FAM193A: variants seen among roughly 807,000 people sequenced by gnomAD.
FAM193A encodes family with sequence similarity 193 member A.
A neutral mutation model predicts 126.5 loss-of-function variants in FAM193A; 22 were observed. The ratio of observed to expected loss-of-function variants is 0.17; its 90% CI spans 0.12 to 0.25. FAM193A has a LOEUF of 0.25. FAM193A is among the 10% of genes least tolerant of loss of function. FAM193A has a pLI of 1.00. For synonymous variants in FAM193A, 761 were observed against 646.8 expected (o/e 1.18, Z -2.68); for missense variants, 1,675 against 1,672.8 (o/e 1.00, Z -0.02).
intron 1 of FAM193A, among the ~76,000 whole-genome samples, chr4:2,560,638 G>A (rs1485099422): frequency 1.3e-5 from 2 of 152,150 alleles, no homozygotes; most frequent in Non-Finnish European, 2.9e-5. Context: ...GGTTTTTAAT[G>A]AGTCTGTTAA....
chr4:2,558,999 CAAACAA>C (rs1183263464), intron 1 of FAM193A, among the ~76,000 whole-genome samples: 5 of 152,156 alleles, frequency 3.3e-5, no homozygotes, highest in African/African-American at 4.8e-5. Flanking sequence ...GACTCCATCT[CAAACAA>C]AAACAGAAAC....
chr4:2,676,247 C>A (rs1315476755), intron 13 of FAM193A, among the ~76,000 whole-genome samples: 1 of 152,200 alleles, frequency 6.6e-6, no homozygotes, highest in East Asian at 1.9e-4. Flanking sequence ...CAACAGTGCA[C>A]AAGGGTTTCA....
chr4:2,693,355 TGAG>T (rs1169146076), intron 15 of FAM193A, among the ~76,000 whole-genome samples: 1 of 152,196 alleles, frequency 6.6e-6, no homozygotes, highest in African/African-American at 2.4e-5. Context: ...GTCGATGTTC[TGAG>T]GAGTTCATAC....
chr4:2,540,606 C>T (rs1737173899), intron 1 of FAM193A, among the ~76,000 whole-genome samples: 1 of 151,974 alleles, frequency 6.6e-6, no homozygotes, highest in Non-Finnish European at 1.5e-5. Context: ...CGAGATGGCG[C>T]CACTGCACTC....
chr4:2,591,464 G>C (rs956574958), intron 1 of FAM193A, among the ~76,000 whole-genome samples: 2 of 152,074 alleles, frequency 1.3e-5, no homozygotes, highest in South Asian at 2.1e-4. Context: ...GGGCATGTGG[G>C]GAGCAGACAG....
chr4:2,551,126 C>T (rs1737897448), intron 1 of FAM193A, among the ~76,000 whole-genome samples: 1 of 152,102 alleles, frequency 6.6e-6, no homozygotes, highest in Non-Finnish European at 1.5e-5. Flanking sequence ...GACTTAAATT[C>T]ACTAAATTTT....
At chr4:2,708,501 C>T (rs1370045359) in intron 19 of FAM193A, among the ~76,000 whole-genome samples, 1 of 151,266 alleles carries the variant, frequency 6.6e-6, no homozygotes, top group South Asian at 2.1e-4. Context: ...TCATTCTTGT[C>T]GCCCAGGCTG....
At chr4:2,586,211 C>G (rs1480471998) in intron 1 of FAM193A, among the ~76,000 whole-genome samples, 2 of 151,464 alleles carry the variant, frequency 1.3e-5, no homozygotes, top group African/African-American at 4.9e-5. Context: ...CCATTGCACT[C>G]CAGCCTGGGC....
intron 2 of FAM193A, among the ~76,000 whole-genome samples, chr4:2,597,765 A>T (rs1238477984): frequency 1.3e-5 from 2 of 152,180 alleles, no homozygotes; most frequent in African/African-American, 2.4e-5. Context: ...TTTACCTTCC[A>T]TTAAGATTCA....
chr4:2,716,175 T>A, intron 20 of FAM193A, 71 bp downstream of exon 20: 2 of 991,594 alleles, frequency 2.0e-6, no homozygotes, highest in Non-Finnish European at 3.3e-6. Context: ...TTTCTGTCTT[T>A]CCATGGCACT....
chr4:2,542,070 C>T (rs748389194), intron 1 of FAM193A, among the ~76,000 whole-genome samples: 1 of 151,392 alleles, frequency 6.6e-6, no homozygotes, highest in African/African-American at 2.4e-5. Flanking sequence ...AGCTGGCGTA[C>T]AGTGGGGTGA....
At chr4:2,719,770 T>TCCTCCCTC (rs147495184) in intron 20 of FAM193A, among the ~76,000 whole-genome samples, 2 of 127,160 alleles carry the variant, frequency 1.6e-5, no homozygotes, top group African/African-American at 7.0e-5. Context: ...CCTCCTTCCT[T>TCCTCCCTC]CCTCCCTCCC....
intron 1 of FAM193A, among the ~76,000 whole-genome samples, chr4:2,595,404 T>C (rs1333464804): frequency 6.6e-6 from 1 of 152,228 alleles, no homozygotes; most frequent in African/African-American, 2.4e-5. Flanking sequence ...TTTTTTCTGA[T>C]AGAGTGGGTG....
rs780449055 is a variant in FAM193A at position 2,663,171 on chromosome 4, C to T, written c.1962C>T (p.Gly654=). 19 of 1,614,110 alleles carry T rather than the reference C, an allele frequency of 1.2e-5. No individual in the cohort carries two copies. Among genetic ancestry groups the T allele is most frequent in the Admixed American group, 6.7e-5 (4 of 60,016 alleles). ...SSEADDEEAD[G]ESSGEPPGAP... ...AAGCTGATGATGAAGAAGCGGACGG[C>T]GAGAGTAGTGGGGAGCCCCCAGGGG... Residue 654 remains glycine, a synonymous_variant, in exon 12 of 21, where the codon GGC becomes GGT. Coordinates refer to ENST00000637812, the MANE Select transcript of FAM193A (RefSeq NM_001366318.2).
chr4:2,714,317 AC>A (rs1199329453), intron 19 of FAM193A, among the ~76,000 whole-genome samples: 1 of 152,092 alleles, frequency 6.6e-6, no homozygotes, highest in African/African-American at 2.4e-5. Flanking sequence ...ACCTCTCTGT[AC>A]AAACATGTGG....
intron 18 of FAM193A, among the ~76,000 whole-genome samples, chr4:2,698,971 C>T (rs938117676): frequency 2.6e-5 from 4 of 152,210 alleles, no homozygotes; most frequent in African/African-American, 4.8e-5. Flanking sequence ...CATCACAGCT[C>T]ATTGCAGCCT....
At chr4:2,591,519 G>T (rs1311122483) in intron 1 of FAM193A, among the ~76,000 whole-genome samples, 1 of 152,104 alleles carries the variant, frequency 6.6e-6, no homozygotes, top group African/African-American at 2.4e-5. Context: ...ACCAGCACGG[G>T]GCCTTTGTTG....
intron 19 of FAM193A, among the ~76,000 whole-genome samples, chr4:2,706,935 A>G (rs968902403): frequency 4.6e-5 from 7 of 151,958 alleles, no homozygotes; most frequent in African/African-American, 1.7e-4. Context: ...AGCCTGGCCA[A>G]CATGGTGAAA....
chr4:2,698,079 G>A (rs917401246), intron 18 of FAM193A, among the ~76,000 whole-genome samples: 10 of 152,188 alleles, frequency 6.6e-5, no homozygotes, highest in African/African-American at 2.2e-4. Context: ...TGCTTTCTAC[G>A]CTGCACCCAT....
Sources: gnomAD v4.1 joint callset for allele counts (sites outside exome capture counted in the v4.1 genomes callset) on GRCh38, gnomAD v4.1.1 for gene constraint, MANE v1.5 for transcripts, NCBI Gene and HGNC (gene_info 2026-07-23, HGNC 2026-07-21) for gene names.